Variants in CCDC60 observed in about 807,000 individuals in gnomAD.
CCDC60 encodes the protein coiled-coil domain containing 60.
A neutral mutation model predicts 63.5 loss-of-function variants in CCDC60; 54 were observed. That is an observed-to-expected ratio of 0.85 (90% confidence interval 0.68 to 1.07). The LOEUF is 1.07. Among genes scored for constraint, CCDC60 ranks in the 50% least tolerant of loss-of-function variants. The pLI, the probability that CCDC60 is intolerant of heterozygous loss-of-function variation, is 0.00. For synonymous variants in CCDC60, 206 were observed against 238.8 expected (o/e 0.86, Z 1.27); for missense variants, 651 against 684.3 (o/e 0.95, Z 0.54).
chr12:119,531,044 A>T lies in CCDC60; in HGVS notation c.1532A>T (p.Asp511Val). Residue 511 changes from aspartate (D) to valine (V), a missense_variant, in exon 13 of 14, where the codon GAC becomes GTC. Physicochemically the swap from Asp to Val is radical, Grantham distance 152 (BLOSUM62 -3). Coordinates refer to ENST00000327554, the MANE Select transcript of CCDC60 (RefSeq NM_178499.5). ...AGGATTTGGGAACTGTGCTCCCCTG[A>T]CATCGCTGTGGCTATTGAGGTAAAC... The part of the protein sequence containing the change: ...DLRIWELCSP[D>V]IAVAIEFVRE... 6.2e-7 allele frequency: 1 copy of T among 1,613,936 alleles called. No individual in the cohort carries two copies. The highest frequency in any genetic ancestry group is 8.5e-7 in the Non-Finnish European group (1 of 1,179,922).
chr12:119,475,235 A>T lies in CCDC60; in HGVS notation c.341+3071A>T, dbSNP rs188211541. 1.3e-3 allele frequency among the ~76,000 whole-genome samples: 201 copies of T among 152,358 alleles called. 1 individual carries two copies. The highest frequency in any genetic ancestry group is 4.5e-3 in the African/African-American group (188 of 41,590). ...ACTCATGGCTCTTTTTTCAGGAGCT[A>T]TGCTCAGATTGACAGGCAAACCCAA... On this transcript the variant is annotated intron_variant, in intron 3 of 13. Coordinates refer to ENST00000327554, the MANE Select transcript of CCDC60 (RefSeq NM_178499.5).
At chr12:119,353,268 G>A (rs562634306) in intron 1 of CCDC60, among the ~76,000 whole-genome samples, 1 of 152,212 alleles carries the variant, frequency 6.6e-6, no homozygotes, top group Admixed American at 6.5e-5. Context: ...GCACTTAAAG[G>A]ACCTTAATCC....
intron 2 of CCDC60, among the ~76,000 whole-genome samples, chr12:119,452,470 C>G (rs777018370): frequency 5.3e-5 from 8 of 152,196 alleles, no homozygotes. Context: ...CTCTGCTCCA[C>G]CCAGACTGGG....
At chr12:119,460,153 C>G (rs557202762) in intron 2 of CCDC60, among the ~76,000 whole-genome samples, 1 of 152,086 alleles carries the variant, frequency 6.6e-6, no homozygotes, top group African/African-American at 2.4e-5. Context: ...GCCAGCACCA[C>G]GGGTAAATCC....
At chr12:119,492,495 A>T (rs1421356457) in intron 5 of CCDC60, among the ~76,000 whole-genome samples, 1 of 152,222 alleles carries the variant, frequency 6.6e-6, no homozygotes, top group African/African-American at 2.4e-5. Context: ...ACACCTTTTC[A>T]GTTATAAGAA....
At chr12:119,355,602 A>C (rs1311398701) in intron 1 of CCDC60, among the ~76,000 whole-genome samples, 1 of 152,052 alleles carries the variant, frequency 6.6e-6, no homozygotes, top group Non-Finnish European at 1.5e-5. Flanking sequence ...GGAAGAATTC[A>C]AGGTCAAGCT....
chr12:119,532,433 C>T (rs867796642), intron 13 of CCDC60, among the ~76,000 whole-genome samples: 8 of 79,330 alleles, frequency 1.0e-4, no homozygotes, highest in South Asian at 3.3e-4. Flanking sequence ...TTATTATTAT[C>T]ATTATACTTT....
intron 2 of CCDC60, among the ~76,000 whole-genome samples, chr12:119,443,544 G>T (rs1169014425): frequency 6.6e-6 from 1 of 152,070 alleles, no homozygotes; most frequent in African/African-American, 2.4e-5. Context: ...TTTCCAACCC[G>T]CAACCTACAA....
intron 7 of CCDC60, among the ~76,000 whole-genome samples, chr12:119,506,097 C>T (rs1951992240): frequency 6.6e-6 from 1 of 152,060 alleles, no homozygotes; most frequent in Non-Finnish European, 1.5e-5. Flanking sequence ...TAACCATCAC[C>T]ACAATCTAAT....
intron 1 of CCDC60, among the ~76,000 whole-genome samples, chr12:119,424,906 C>T (rs1956875315): frequency 6.6e-6 from 1 of 151,824 alleles, no homozygotes; most frequent in Non-Finnish European, 1.5e-5. Flanking sequence ...CTGCTAAAGT[C>T]GGTGTCAAGT....
chr12:119,383,384 C>T (rs1482998110), intron 1 of CCDC60, among the ~76,000 whole-genome samples: 1 of 152,250 alleles, frequency 6.6e-6, no homozygotes, highest in South Asian at 2.1e-4. Context: ...CATGGTCCCA[C>T]CCTCCAGGCT....
chr12:119,519,054 G>A (rs982866539), intron 8 of CCDC60, among the ~76,000 whole-genome samples: 11 of 152,152 alleles, frequency 7.2e-5, no homozygotes, highest in African/African-American at 2.4e-4. Flanking sequence ...AAGCTTCAAC[G>A]CAGAGCTACA....
chr12:119,423,511 C>T (rs557083198), intron 1 of CCDC60, among the ~76,000 whole-genome samples: 3 of 152,188 alleles, frequency 2.0e-5, no homozygotes, highest in Admixed American at 1.3e-4. Context: ...CCATCAGGAA[C>T]TGAAGGGTGA....
intron 2 of CCDC60, among the ~76,000 whole-genome samples, chr12:119,440,004 T>C (rs536150984): frequency 2.0e-5 from 3 of 150,538 alleles, no homozygotes; most frequent in Non-Finnish European, 4.4e-5. Context: ...TAAGAGGGAG[T>C]TGAACAATGA....
Position 119,540,675 on chromosome 12 carries a change from G to T in CCDC60, c.1613G>T (p.Arg538Leu). The T allele has an allele frequency of 6.2e-7, 1 of 1,613,924 alleles. No homozygotes were observed. Among genetic ancestry groups the T allele is most frequent in the Non-Finnish European group, 8.5e-7 (1 of 1,179,994 alleles). ...GATTACATCAGCTGGCTGCAGAGCC[G>T]GATCAACATACCCATTGGGCCCTAC... ...QEDYISWLQS[R>L]INIPIGPYSA... Residue 538 changes from arginine (R) to leucine (L), a missense_variant, in exon 14 of 14, where the codon CGG becomes CTG. Physicochemically the swap from Arg to Leu is moderately radical, Grantham distance 102. Transcript: ENST00000327554.
chr12:119,335,673 A>C, intron 1 of CCDC60, among the ~76,000 whole-genome samples: 1 of 151,848 alleles, frequency 6.6e-6, no homozygotes. Flanking sequence ...AAATTTGTTT[A>C]AGTTCATTGT....
chr12:119,481,572 C>G (rs957395191), intron 4 of CCDC60, among the ~76,000 whole-genome samples: 1 of 152,060 alleles, frequency 6.6e-6, no homozygotes, highest in Non-Finnish European at 1.5e-5. Flanking sequence ...GGGGGAAGAA[C>G]CTGCCAAAAG....
rs147883391 is a variant in CCDC60, at chr12:119,347,420, C to CA, written c.90+12162dup. Among the ~76,000 whole-genome samples, 171 of 151,840 alleles carry CA rather than the reference C, an allele frequency of 1.1e-3. 6 individuals carry two copies. In the East Asian group the frequency reaches 0.031, roughly 27 times the overall value. The stretch of plus-strand genomic sequence containing the variant: ...GACCCACTGAAATTTTTATTTTCTC[C>CA]AAAAAAAATTCTGTATCATAATTGC... On this transcript the variant is annotated intron_variant, in intron 1 of 13. Coordinates refer to ENST00000327554, the MANE Select transcript of CCDC60 (RefSeq NM_178499.5).
At chr12:119,473,541 G>C (rs1185377783) in intron 3 of CCDC60, among the ~76,000 whole-genome samples, 1 of 152,022 alleles carries the variant, frequency 6.6e-6, no homozygotes, top group Non-Finnish European at 1.5e-5. Context: ...CTGAGATTAT[G>C]GTGCACCCAT....
Sources: allele counts gnomAD v4.1 joint callset (sites outside exome capture counted in the v4.1 genomes callset), GRCh38; gene constraint gnomAD v4.1.1; transcripts MANE v1.5; gene names NCBI Gene and HGNC (gene_info 2026-07-23, HGNC 2026-07-21).